ARID1B: variants seen among roughly 807,000 people sequenced by gnomAD.
ARID1B encodes AT-rich interactive domain-containing protein 1B.
Under a neutral mutation model 212.3 loss-of-function variants are expected in ARID1B, and 30 were observed. The ratio of observed to expected loss-of-function variants is 0.14; its 90% CI spans 0.11 to 0.19. The LOEUF (loss-of-function observed/expected upper bound fraction) is 0.19. ARID1B is among the 10% of genes least tolerant of loss of function. The pLI is 1.00. For synonymous variants in ARID1B, 1,402 were observed against 1,301.7 expected (o/e 1.08, Z -1.66); for missense variants, 2,891 against 3,204.0 (o/e 0.90, Z 2.36).
chr6:157,061,752 T>C (rs1422556737), intron 4 of ARID1B, among the ~76,000 whole-genome samples: 1 of 152,222 alleles, frequency 6.6e-6, no homozygotes, highest in Non-Finnish European at 1.5e-5. Context: ...GCCTACTCTG[T>C]GCCATTCCTT....
Position 157,206,362 on chromosome 6 carries a change from G to A in ARID1B, c.5590G>A (p.Asp1864Asn), listed in dbSNP as rs765101364. The stretch of plus-strand genomic sequence containing the variant: ...GGAAGATGCTGAATGTATTGATGAC[G>A]ACGAGGAAGACGAGGAGGATGAGGA... Reference protein sequence around the residue: ...EEEDAECIDDDEEDEEDEEED... With the variant: ...EEEDAECIDDNEEDEEDEEED... The change falls in exon 20 of 20, where the codon GAC becomes AAC. Residue 1864 changes from aspartate (D) to asparagine (N), a missense_variant. Asp to Asn is a conservative substitution (Grantham distance 23, BLOSUM62 1). This residue lies in a region of ARID1B where 332 missense variants were observed against 369.2 expected (regional missense o/e 0.90). Transcript: ENST00000636930. The surrounding 1 kb of genome is among the most constrained non-coding windows in gnomAD (Gnocchi z 6.8). 3.1e-6 allele frequency: 5 copies of A among 1,613,332 alleles called. No homozygotes were observed. Among genetic ancestry groups the A allele is most frequent in the African/African-American group, 1.3e-5 (1 of 74,878 alleles).
chr6:157,188,389 GTC>G (rs1161795324), intron 13 of ARID1B, among the ~76,000 whole-genome samples: 2 of 152,144 alleles, frequency 1.3e-5, no homozygotes, highest in Non-Finnish European at 2.9e-5. Flanking sequence ...GGCTAGGAAT[GTC>G]TCTGTCTAGC....
At chr6:157,122,689 C>CT (rs982699407) in intron 6 of ARID1B, among the ~76,000 whole-genome samples, 48 of 151,530 alleles carry the variant, frequency 3.2e-4, no homozygotes, top group South Asian at 1.9e-3. Context: ...ACAGTCTTCT[C>CT]TTTTTTTTTG....
chr6:156,969,749 A>T (rs1275312771), intron 4 of ARID1B, among the ~76,000 whole-genome samples: 1 of 152,212 alleles, frequency 6.6e-6, no homozygotes, highest in Non-Finnish European at 1.5e-5. Context: ...TAGACTCTGG[A>T]ACACTTATTA....
chr6:157,115,124 G>A (rs575427435), intron 6 of ARID1B, among the ~76,000 whole-genome samples: 7 of 152,076 alleles, frequency 4.6e-5, no homozygotes, highest in East Asian at 1.9e-4. Context: ...TCTCTTTTTC[G>A]GTGCCCATTT....
At chr6:156,794,936 C>T (rs1003050822) in intron 1 of ARID1B, among the ~76,000 whole-genome samples, 1 of 152,118 alleles carries the variant, frequency 6.6e-6, no homozygotes. Flanking sequence ...TAGTCATTAT[C>T]AGACATAGAA....
chr6:156,900,364 C>CTT lies in ARID1B; in HGVS notation c.1987-1009_1987-1008dup, dbSNP rs1305014249. On this transcript the variant is annotated intron_variant, in intron 2 of 19. Transcript: ENST00000636930. ...AGGCTAAATGTTTTACTCTTTTCAT[C>CTT]TTTTACCATTTCATCTTTTTCCTCA... Among the ~76,000 whole-genome samples, 6 of 152,278 alleles carry CTT rather than the reference C, an allele frequency of 3.9e-5. No homozygotes were observed. In the East Asian group the frequency reaches 1.2e-3, roughly 29 times the overall value.
At chr6:156,799,551 A>G (rs75472518) in intron 1 of ARID1B, among the ~76,000 whole-genome samples, 3,869 of 152,222 alleles carry the variant, frequency 0.025, 161 homozygotes, top group African/African-American at 0.088. Context: ...CTATCTCCTC[A>G]CTGCATCCTC....
chr6:157,055,677 A>G (rs1377546093), intron 4 of ARID1B, among the ~76,000 whole-genome samples: 3 of 152,212 alleles, frequency 2.0e-5, no homozygotes, highest in East Asian at 1.9e-4. Context: ...GTTTAAAACT[A>G]TTCTTCCTGA....
chr6:157,118,594 C>G (rs1011310749), intron 6 of ARID1B, among the ~76,000 whole-genome samples: 5 of 152,336 alleles, frequency 3.3e-5, no homozygotes, highest in Admixed American at 1.3e-4. Flanking sequence ...TATCTAGACA[C>G]CACTCTGGAA....
In ARID1B at chr6:157,196,312, G is replaced by A. The variant is rs761133847; in HGVS notation, c.4379G>A (p.Arg1460Gln). Residue 1460 changes from arginine (R) to glutamine (Q), a missense_variant, in exon 16 of 20, where the codon CGA becomes CAA. This residue lies in a region of ARID1B where 666 missense variants were observed against 873.5 expected (regional missense o/e 0.76). Coordinates refer to ENST00000636930, the MANE Select transcript of ARID1B (RefSeq NM_001374828.1). ...QQFPYGASYD[R>Q]RHEPYGQQYP... ...TTTCCCTATGGAGCCAGTTACGACC[G>A]AAGGTGAGTATTTTTTAAGATGACA... The A allele has an allele frequency of 1.2e-5, 19 of 1,585,054 alleles. No individual in the cohort carries two copies. The highest frequency in any genetic ancestry group is 1.1e-4 in the East Asian group (5 of 44,648).
intron 1 of ARID1B, among the ~76,000 whole-genome samples, chr6:156,825,013 C>T (rs544115638): frequency 1.1e-3 from 174 of 151,970 alleles, no homozygotes; most frequent in African/African-American, 3.7e-3. Context: ...TACAGGTGCC[C>T]GCCACCATGC....
chr6:157,147,621 C>G (rs1789868084), intron 7 of ARID1B, among the ~76,000 whole-genome samples: 1 of 129,004 alleles, frequency 7.8e-6, no homozygotes, highest in South Asian at 2.6e-4. Flanking sequence ...GCCTCCGACC[C>G]TGCCCTCCGT....
At chr6:157,005,132 T>TTGTTG (rs546344910) in intron 4 of ARID1B, among the ~76,000 whole-genome samples, 8 of 148,944 alleles carry the variant, frequency 5.4e-5, no homozygotes, top group African/African-American at 2.0e-4. Flanking sequence ...CAGGCTGTTT[T>TTGTTG]TTGTTGTTGT....
At chr6:157,139,705 G>A (rs950698952) in intron 7 of ARID1B, among the ~76,000 whole-genome samples, 8 of 151,334 alleles carry the variant, frequency 5.3e-5, no homozygotes, top group African/African-American at 1.9e-4. Context: ...TATATATAGA[G>A]AGAGCTATAT....
intron 4 of ARID1B, chr6:156,937,055 T>C: frequency 6.8e-6 from 1 of 146,642 alleles, no homozygotes; most frequent in East Asian, 2.1e-4. Flanking sequence ...TATTGTGGTG[T>C]TTTTCCCCCC....
chr6:157,210,706 CAAA>C lies in ARID1B; in HGVS notation c.*2827_*2829del, dbSNP rs201959218. On this transcript the variant is annotated 3_prime_UTR_variant, in exon 20 of 20. Coordinates refer to ENST00000636930, the MANE Select transcript of ARID1B (RefSeq NM_001374828.1). ...GGATGCCCAGACTTTACATGTGTACCAAAAAAAAAAAAAAGATAAAAAATAAAG... is the reference window on the plus strand; with the variant it reads ...GGATGCCCAGACTTTACATGTGTACCAAAAAAAAAAAGATAAAAAATAAAG... The C allele has an allele frequency of 4.4e-4, 81 of 185,318 alleles. No individual in the cohort carries two copies. Among genetic ancestry groups the C allele is most frequent in the South Asian group, 7.1e-4 (3 of 4,232 alleles). The allele number at this position is 185,318 out of a possible 1,614,324, so 11.5% of individuals were successfully genotyped here.
chr6:156,787,033 T>G (rs1308684925), intron 1 of ARID1B, among the ~76,000 whole-genome samples: 1 of 152,028 alleles, frequency 6.6e-6, no homozygotes, highest in Non-Finnish European at 1.5e-5. Context: ...GTGATATAGT[T>G]GATGTGATCT....
intron 1 of ARID1B, among the ~76,000 whole-genome samples, chr6:156,821,551 A>G (rs1291784373): frequency 6.6e-6 from 1 of 152,232 alleles, no homozygotes; most frequent in Non-Finnish European, 1.5e-5. Flanking sequence ...AAGGATTTGT[A>G]TGTACATCAC....
Sources: gnomAD v4.1 joint callset for allele counts (sites outside exome capture counted in the v4.1 genomes callset) on GRCh38, gnomAD v4.1.1 for gene constraint, gnomAD v4.1.1 regional missense constraint, Gnocchi (gnomAD v3.1) non-coding constraint, MANE v1.5 for transcripts, NCBI Gene and HGNC (gene_info 2026-07-23, HGNC 2026-07-21) for gene names.